The following NWD1 variants were observed in gnomAD, a reference collection of about 807,000 sequenced individuals.
NWD1 encodes the protein NACHT domain- and WD repeat-containing protein 1.
Under a neutral mutation model 135.1 loss-of-function variants are expected in NWD1, and 129 were observed. That is an observed-to-expected ratio of 0.96 (90% CI 0.83 to 1.11). The LOEUF (loss-of-function observed/expected upper bound fraction) is 1.11. NWD1 is among the 50% of genes least tolerant of loss of function. NWD1 has a pLI of 0.00. For synonymous variants in NWD1, 773 were observed against 786.0 expected, an observed-to-expected ratio of 0.98 and a Z score of 0.28; for missense variants, 1,740 against 1,851.3, an observed-to-expected ratio of 0.94 and a Z score of 1.10.
chr19:16,762,848 GA>G (rs1335381103), intron 8 of NWD1, among the ~76,000 whole-genome samples: 1 of 151,618 alleles, frequency 6.6e-6, no homozygotes, highest in Non-Finnish European at 1.5e-5. Flanking sequence ...TCACTGGCAT[GA>G]TCTCAGGTCA....
intron 18 of NWD1, chr19:16,812,671 A>G (rs1568401501): frequency 5.2e-6 from 4 of 768,990 alleles, no homozygotes; most frequent in Non-Finnish European, 9.7e-6. Context: ...CTCCATCTCA[A>G]AAACAAACAA....
At chr19:16,738,061 C>T (rs538282816) in intron 4 of NWD1, among the ~76,000 whole-genome samples, 9 of 152,244 alleles carry the variant, frequency 5.9e-5, no homozygotes, top group African/African-American at 2.2e-4. Context: ...CAAGTGTGGC[C>T]TGCTGCCTGT....
chr19:16,727,668 T>C (rs528003554), intron 2 of NWD1: 1 of 152,956 alleles, frequency 6.5e-6, no homozygotes, highest in African/African-American at 2.4e-5. Flanking sequence ...AGTTCCACAG[T>C]CTCAGGTAAG....
chr19:16,796,767 C>T (rs1970429346), intron 15 of NWD1, among the ~76,000 whole-genome samples: 1 of 152,138 alleles, frequency 6.6e-6, no homozygotes, highest in Non-Finnish European at 1.5e-5. Context: ...TTATCAAAGG[C>T]CTGCTGTGTG....
intron 6 of NWD1, among the ~76,000 whole-genome samples, chr19:16,756,009 G>A (rs186279709): frequency 2.0e-5 from 3 of 152,088 alleles, no homozygotes; most frequent in South Asian, 2.1e-4. Flanking sequence ...AATGGTCGAC[G>A]AACATGTATT....
rs1025560338 is a variant in NWD1 at position 16,721,070 on chromosome 19, G to A, written c.-105+777G>A. 1.3e-4 allele frequency among the ~76,000 whole-genome samples: 20 copies of A among 152,060 alleles called. 1 individual carries two copies. Among genetic ancestry groups the A allele is most frequent in the African/African-American group, 4.6e-4 (19 of 41,462 alleles). The stretch of plus-strand genomic sequence containing the variant: ...TCGCCATGTTGGCCAGGCTGGTCTC[G>A]AACTCCTGGCCTCAAGTAATCTGCC... On this transcript the variant is annotated intron_variant, in intron 1 of 18. Coordinates refer to ENST00000524140, the MANE Select transcript of NWD1 (RefSeq NM_001007525.5).
intron 5 of NWD1, among the ~76,000 whole-genome samples, chr19:16,748,032 G>A (rs572140036): frequency 3.9e-5 from 6 of 152,334 alleles, no homozygotes; most frequent in South Asian, 2.1e-4. Flanking sequence ...TGCACAGGCT[G>A]AAGTGCAGTG....
In NWD1 at chr19:16,807,733, C is replaced by G. The variant is rs147419023; in HGVS notation, c.3884C>G (p.Pro1295Arg). 7 of 1,613,308 alleles carry G rather than the reference C, an allele frequency of 4.3e-6. No homozygotes were observed. Among genetic ancestry groups the G allele is most frequent in the Non-Finnish European group, 5.9e-6 (7 of 1,179,530 alleles). The change falls in exon 18 of 19, where the codon CCT becomes CGT. Residue 1295 changes from proline to arginine, a missense_variant. Transcript: ENST00000524140. Reference protein sequence around the residue: ...NSRQDVICIPPPEARKAINCM... With the variant: ...NSRQDVICIPRPEARKAINCM... ...AGGCAGGACGTGATATGCATTCCCCCTCCCGAGGCCCGGAAAGCAATCAAC... is the reference window on the plus strand; with the variant it reads ...AGGCAGGACGTGATATGCATTCCCCGTCCCGAGGCCCGGAAAGCAATCAAC...
intron 10 of NWD1, among the ~76,000 whole-genome samples, chr19:16,766,455 G>C (rs1969226878): frequency 6.6e-6 from 1 of 152,166 alleles, no homozygotes; most frequent in Admixed American, 6.6e-5. Context: ...GACTTGGGCT[G>C]GGTCTGGCCC....
intron 12 of NWD1, among the ~76,000 whole-genome samples, chr19:16,785,134 T>C (rs897180277): frequency 4.6e-5 from 7 of 151,844 alleles, no homozygotes; most frequent in African/African-American, 1.7e-4. Flanking sequence ...TCTGGGGGGT[T>C]GCGAATGTTC....
chr19:16,730,486 A>G (rs1967513134), intron 2 of NWD1, among the ~76,000 whole-genome samples: 1 of 152,082 alleles, frequency 6.6e-6, no homozygotes, highest in Non-Finnish European at 1.5e-5. Context: ...GGCCAAAGCA[A>G]TTGGATTGCT....
chr19:16,742,129 C>T (rs543484133), intron 4 of NWD1, among the ~76,000 whole-genome samples: 17 of 151,686 alleles, frequency 1.1e-4, no homozygotes, highest in African/African-American at 3.9e-4. Context: ...AATCCCAACA[C>T]TTTGGGAGGC....
chr19:16,751,884 A>G (rs1968596185), intron 6 of NWD1, among the ~76,000 whole-genome samples: 2 of 151,650 alleles, frequency 1.3e-5, no homozygotes, highest in African/African-American at 4.8e-5. Context: ...GAGATAAAGG[A>G]AAGAAAGAAA....
At position 16,797,882 on chromosome 19, in the gene NWD1, T is replaced by C; in HGVS notation, c.3455T>C (p.Ile1152Thr). The C allele has an allele frequency of 1.9e-6, 3 of 1,613,502 alleles. No individual in the cohort carries two copies. Among genetic ancestry groups the C allele is most frequent in the South Asian group, 2.2e-5 (2 of 91,040 alleles). ...ATCACGGGGTCCCTTGATGCGCTCA[T>C]TCAGGTGAGGGGAGATCTGGGACCC... is the stretch of plus-strand genomic sequence containing the variant. The part of the protein sequence containing the change: ...LIITGSLDAL[I>T]QVWSLSEQGT... Residue 1152 changes from isoleucine (I) to threonine (T), a missense_variant, in exon 16 of 19, where the codon ATT (isoleucine) becomes ACT (threonine). Transcript: ENST00000524140.
chr19:16,802,904 C>G (rs1192435605), intron 17 of NWD1, among the ~76,000 whole-genome samples: 1 of 146,402 alleles, frequency 6.8e-6, no homozygotes, highest in Non-Finnish European at 1.5e-5. Flanking sequence ...GAGCCAAGAT[C>G]TTGCTACTGC....
intron 4 of NWD1, among the ~76,000 whole-genome samples, chr19:16,740,033 A>G (rs1286411423): frequency 6.6e-6 from 1 of 152,006 alleles, no homozygotes; most frequent in African/African-American, 2.4e-5. Flanking sequence ...ACCTTGGATC[A>G]CACTTGTAAT....
intron 2 of NWD1, among the ~76,000 whole-genome samples, chr19:16,730,541 CCTT>C (rs1045693038): frequency 2.0e-5 from 3 of 151,800 alleles, no homozygotes; most frequent in Non-Finnish European, 1.5e-5. Context: ...TAGTGAGACT[CCTT>C]CTCTACAAAA....
chr19:16,773,188 G>C lies in NWD1; in HGVS notation c.2473G>C (p.Ala825Pro), dbSNP rs1352839008. 6.2e-7 allele frequency: 1 copy of C among 1,613,902 alleles called. No homozygotes were observed. Among genetic ancestry groups the C allele is most frequent in the Non-Finnish European group, 8.5e-7 (1 of 1,180,020 alleles). Residue 825 changes from alanine to proline, a missense_variant, in exon 11 of 19, where the codon GCA becomes CCA. Physicochemically the swap from Ala to Pro is conservative, Grantham distance 27. Transcript: ENST00000524140. ...RLHFFATSHP[A>P]LVGQLCQQAQ... ...CCATTTCTTCGCCACCTCACATCCA[G>C]CACTGGTGGGACAGCTATGCCAACA...
chr19:16,787,559 C>T (rs1970078153), intron 12 of NWD1, among the ~76,000 whole-genome samples: 3 of 152,000 alleles, frequency 2.0e-5, no homozygotes, highest in Admixed American at 6.6e-5. Context: ...GCTCTCAAAA[C>T]AAAACAAAAG....
Sources: gnomAD v4.1 joint callset for allele counts (sites outside exome capture counted in the v4.1 genomes callset) on GRCh38, gnomAD v4.1.1 for gene constraint, MANE v1.5 for transcripts, NCBI Gene and HGNC (gene_info 2026-07-23, HGNC 2026-07-21) for gene names.